Variants in ALKBH1 observed in about 807,000 individuals in gnomAD.
ALKBH1 encodes nucleic acid dioxygenase ALKBH1.
A neutral mutation model predicts 36.6 loss-of-function variants in ALKBH1; 31 were observed. The observed-to-expected ratio is 0.85, with a 90% CI of 0.64 to 1.14. ALKBH1 has a LOEUF of 1.14. Among genes scored for constraint, ALKBH1 ranks in the 50% most tolerant of loss-of-function variants. The pLI is 0.00. For missense variants in ALKBH1, 490 were observed against 497.3 expected (o/e 0.99, Z 0.14); for synonymous variants, 183 against 186.6 (o/e 0.98, Z 0.16).
intron 3 of ALKBH1, among the ~76,000 whole-genome samples, chr14:77,684,901 A>G (rs1208506857): frequency 2.6e-5 from 4 of 152,198 alleles, no homozygotes. Flanking sequence ...ATCTGAAACA[A>G]TAAACATAAC....
In ALKBH1 at chr14:77,690,271, T is replaced by A. The variant is rs77999366; in HGVS notation, c.455+4467A>T. ...AAATGAAAAGGAAATGAGGTAGGAA[T>A]GGTAGGAAATGAGAGTAGAGAGGTA... On this transcript the variant is annotated intron_variant, in intron 3 of 5. Coordinates refer to ENST00000216489, the MANE Select transcript of ALKBH1 (RefSeq NM_006020.3). Among the ~76,000 whole-genome samples, 1,416 of 152,206 alleles carry A rather than the reference T, an allele frequency of 9.3e-3. 18 individuals are homozygous for A. The highest frequency in any genetic ancestry group is 0.03 in the South Asian group (143 of 4,820).
chr14:77,675,626 A>C, intron 5 of ALKBH1, 30 bp downstream of exon 5: 1 of 1,554,604 alleles, frequency 6.4e-7, no homozygotes, highest in Non-Finnish European at 8.8e-7. Context: ...AATGATAAAA[A>C]GTAATCCCAA....
intron 4 of ALKBH1, 86 bp downstream of exon 4, chr14:77,679,794 C>T (rs2080226758): frequency 9.8e-7 from 1 of 1,024,238 alleles, no homozygotes; most frequent in African/African-American, 1.6e-5. Context: ...ATCTTGATAT[C>T]TTAAGCGTGG....
chr14:77,680,614 C>A (rs1250753019), intron 3 of ALKBH1, among the ~76,000 whole-genome samples: 1 of 151,518 alleles, frequency 6.6e-6, no homozygotes, highest in African/African-American at 2.4e-5. Flanking sequence ...GGTTTCTGTA[C>A]AACCGAGACG....
intron 3 of ALKBH1, among the ~76,000 whole-genome samples, chr14:77,694,028 G>A (rs572956529): frequency 2.6e-4 from 40 of 152,140 alleles, no homozygotes; most frequent in Middle Eastern, 3.4e-3. Context: ...TTTTTTCTTC[G>A]TTCACACTTC....
In ALKBH1 at chr14:77,672,456, T is replaced by G. The variant is rs1386550053; in HGVS notation, c.*1356A>C. ...ATTTAAAAACCCTGCTATTACCATA[T>G]GAACTCAATATTCAATGCCAGTAAT... On this transcript the variant is annotated 3_prime_UTR_variant, in exon 6 of 6. Coordinates refer to ENST00000216489, the MANE Select transcript of ALKBH1 (RefSeq NM_006020.3). 6.6e-6 allele frequency: 1 copy of G among 152,226 alleles called. No homozygotes were observed. The allele number at this position is 152,226 out of a possible 1,614,324, so 9.4% of individuals were successfully genotyped here.
At chr14:77,687,751 G>C (rs1420437831) in intron 3 of ALKBH1, among the ~76,000 whole-genome samples, 1 of 152,054 alleles carries the variant, frequency 6.6e-6, no homozygotes, top group Non-Finnish European at 1.5e-5. Context: ...CTGGCTGCTT[G>C]ATGTCTTTTC....
chr14:77,680,835 A>G (rs1337269340), intron 3 of ALKBH1, among the ~76,000 whole-genome samples: 3 of 151,974 alleles, frequency 2.0e-5, no homozygotes, highest in African/African-American at 7.3e-5. Context: ...ATGCACCACT[A>G]CGCCCAGCTA....
chr14:77,675,703 G>A lies in ALKBH1; in HGVS notation c.693C>T (p.His231=), dbSNP rs1378916031. The A allele has an allele frequency of 6.2e-6, 10 of 1,614,120 alleles. No homozygotes were observed. Among genetic ancestry groups the A allele is most frequent in the East Asian group, 4.5e-5 (2 of 44,882 alleles). Residue 231 remains histidine (H), a synonymous_variant, in exon 5 of 6, where the codon CAC becomes CAT. Transcript: ENST00000216489. ...YYRLDSTLGI[H]VDRSELDHSK... ...AGTGATCTAGCTCAGATCTGTCTAC[G>A]TGGATTCCCAGTGTGGAGTCCAGGC...
At chr14:77,706,710 A>C (rs2080393874) in intron 1 of ALKBH1, among the ~76,000 whole-genome samples, 1 of 152,208 alleles carries the variant, frequency 6.6e-6, no homozygotes, top group Non-Finnish European at 1.5e-5. Flanking sequence ...AAAGGAGCTG[A>C]ATGAGAGTCT....
At chr14:77,701,697 A>G (rs568250969) in intron 2 of ALKBH1, among the ~76,000 whole-genome samples, 1 of 152,250 alleles carries the variant, frequency 6.6e-6, no homozygotes, top group Admixed American at 6.5e-5. Flanking sequence ...GTAAGAAGAG[A>G]CTGTTCTCTC....
chr14:77,689,308 G>A (rs1026984991), intron 3 of ALKBH1, among the ~76,000 whole-genome samples: 1 of 152,142 alleles, frequency 6.6e-6, no homozygotes, highest in Non-Finnish European at 1.5e-5. Flanking sequence ...CTTTGGTATT[G>A]TAAATTCCTT....
intron 2 of ALKBH1, among the ~76,000 whole-genome samples, chr14:77,702,144 C>T (rs1467094802): frequency 6.6e-6 from 1 of 151,940 alleles, no homozygotes; most frequent in Non-Finnish European, 1.5e-5. Flanking sequence ...ACTAAAAACA[C>T]AAAAAAGTTA....
At chr14:77,706,475 A>G (rs1566819321) in intron 1 of ALKBH1, among the ~76,000 whole-genome samples, 1 of 152,182 alleles carries the variant, frequency 6.6e-6, no homozygotes, top group African/African-American at 2.4e-5. Context: ...CAGACTGTTA[A>G]CCACCACTTT....
At chr14:77,691,292 C>T (rs1414010294) in intron 3 of ALKBH1, among the ~76,000 whole-genome samples, 1 of 151,936 alleles carries the variant, frequency 6.6e-6, no homozygotes, top group African/African-American at 2.4e-5. Context: ...TTTTTCTTCC[C>T]TGACTATAGA....
Position 77,678,282 on chromosome 14 carries a change from C to T in ALKBH1, c.546+1598G>A, listed in dbSNP as rs769656335. Among the ~76,000 whole-genome samples the T allele has an allele frequency of 3.3e-5, 5 of 152,214 alleles. No homozygotes were observed. The South Asian group carries it at 1.0e-3, about 32-fold the overall frequency. On this transcript the variant is annotated intron_variant, in intron 4 of 5. Coordinates refer to ENST00000216489, the MANE Select transcript of ALKBH1 (RefSeq NM_006020.3). ...GTCTAATCCAAAGAAAATCACATGG[C>T]ATTTCCCCTCAAAAAATATCTAGTT... is the stretch of plus-strand genomic sequence containing the variant.
At chr14:77,680,376 T>A (rs192352581) in intron 3 of ALKBH1, among the ~76,000 whole-genome samples, 1 of 152,358 alleles carries the variant, frequency 6.6e-6, no homozygotes, top group African/African-American at 2.4e-5. Context: ...AGGGTACAGT[T>A]AATCACAATG....
chr14:77,679,977 A>C lies in ALKBH1; in HGVS notation c.456-7T>G. The C allele has an allele frequency of 6.2e-7, 1 of 1,610,102 alleles. No homozygotes were observed. Among genetic ancestry groups the C allele is most frequent in the Non-Finnish European group, 8.5e-7 (1 of 1,176,342 alleles). On this transcript the variant is annotated splice_region_variant and splice_polypyrimidine_tract_variant and intron_variant, in intron 3 of 5. Coordinates refer to ENST00000216489, the MANE Select transcript of ALKBH1 (RefSeq NM_006020.3). ...TTTAGTCGCTTCTTTATACCTGCAA[A>C]GATTGGTGACAAAAGAGGAATTATT...
intron 2 of ALKBH1, chr14:77,696,587 G>C (rs1425062925): frequency 2.0e-5 from 3 of 152,472 alleles, no homozygotes; most frequent in African/African-American, 2.4e-5. Flanking sequence ...CATAGGCCTG[G>C]CTGTGACTGA....
Sources: gnomAD v4.1 joint callset for allele counts (sites outside exome capture counted in the v4.1 genomes callset) on GRCh38, gnomAD v4.1.1 for gene constraint, MANE v1.5 for transcripts, NCBI Gene and HGNC (gene_info 2026-07-23, HGNC 2026-07-21) for gene names.